GLIPR1L1: variants seen among roughly 807,000 people sequenced by gnomAD.
GLIPR1L1 encodes GLIPR1 like 1.
In GLIPR1L1, 26 loss-of-function variants were observed where a neutral mutation model predicts 29.9. That is an observed-to-expected ratio of 0.87 (90% CI 0.64 to 1.21). The LOEUF is 1.21. Among genes scored for constraint, GLIPR1L1 ranks in the 50% most tolerant of loss-of-function variants. The pLI is 0.00. For synonymous variants in GLIPR1L1, 77 were observed against 97.5 expected, an observed-to-expected ratio of 0.79 and a Z score of 1.24; for missense variants, 305 against 290.3, an observed-to-expected ratio of 1.05 and a Z score of -0.37.
intron 4 of GLIPR1L1, chr12:75,367,147 C>T (rs1048029043): frequency 6.3e-6 from 4 of 631,978 alleles, no homozygotes; most frequent in Non-Finnish European, 1.1e-5. Flanking sequence ...AAAGTGGAAA[C>T]CAAATAGGGT....
Position 75,370,136 on chromosome 12 carries a change from A to T in GLIPR1L1, c.689A>T (p.Asn230Ile). 1 of 1,604,960 alleles carries T rather than the reference A, an allele frequency of 6.2e-7. No homozygotes were observed. The highest frequency in any genetic ancestry group is 8.5e-7 in the Non-Finnish European group (1 of 1,173,384). Residue 230 changes from asparagine (N) to isoleucine (I), a missense_variant, in exon 6 of 6, where the codon AAT becomes ATT. By Grantham distance (149) the Asn-to-Ile change is moderately radical. Coordinates refer to ENST00000378695, the MANE Select transcript of GLIPR1L1 (RefSeq NM_001304964.2). The part of the protein sequence containing the change: ...TGRAPQQTAF[N>I]PFSLGFLLLR... ...AGAGCACCTCAGCAGACAGCCTTTA[A>T]TCCATTCAGCTTAGGTTTTCTTCTT...
intron 3 of GLIPR1L1, among the ~76,000 whole-genome samples, chr12:75,349,337 G>T (rs2042655673): frequency 6.6e-6 from 1 of 152,090 alleles, no homozygotes; most frequent in African/African-American, 2.4e-5. Flanking sequence ...TAAAAGCACA[G>T]AATTTTAAGA....
At chr12:75,350,405 C>A (rs2042727703) in intron 3 of GLIPR1L1, among the ~76,000 whole-genome samples, 1 of 152,126 alleles carries the variant, frequency 6.6e-6, no homozygotes, top group African/African-American at 2.4e-5. Context: ...GTGAGATCTC[C>A]CAACAGGGGT....
chr12:75,367,725 G>A (rs903852946), intron 4 of GLIPR1L1, among the ~76,000 whole-genome samples: 2 of 151,930 alleles, frequency 1.3e-5, no homozygotes, highest in Non-Finnish European at 2.9e-5. Flanking sequence ...TTTATATGAT[G>A]ACAAATCATG....
chr12:75,339,963 C>T (rs1463275086), intron 1 of GLIPR1L1, among the ~76,000 whole-genome samples: 1 of 152,056 alleles, frequency 6.6e-6, no homozygotes, highest in Non-Finnish European at 1.5e-5. Context: ...CTTATGTCCT[C>T]ATAGCTTAGC....
At chr12:75,334,995 A>G in intron 1 of GLIPR1L1, 93 bp downstream of exon 1, 1 of 1,245,464 alleles carries the variant, frequency 8.0e-7, no homozygotes, top group Non-Finnish European at 1.1e-6. Context: ...TACTAATTCA[A>G]TCCGGACTTT....
chr12:75,355,986 G>C (rs1287070832), intron 3 of GLIPR1L1, among the ~76,000 whole-genome samples: 1 of 152,146 alleles, frequency 6.6e-6, no homozygotes, highest in Non-Finnish European at 1.5e-5. Context: ...TGGGGGTAGG[G>C]TGGGGAGAGG....
chr12:75,340,884 C>G (rs966381762), intron 1 of GLIPR1L1, among the ~76,000 whole-genome samples: 1 of 151,832 alleles, frequency 6.6e-6, no homozygotes, highest in African/African-American at 2.4e-5. Flanking sequence ...GGACATATCA[C>G]GACACACCAA....
rs559063913 is a variant in GLIPR1L1 at position 75,340,151 on chromosome 12, T to C, written c.175-3542T>C. Reference sequence around the variant, plus strand: ...TTTATACACACATATATATAAAATATATATGTATAAATATATATATACATA... The same window carrying C: ...TTTATACACACATATATATAAAATACATATGTATAAATATATATATACATA... On this transcript the variant is annotated intron_variant, in intron 1 of 5. Coordinates refer to ENST00000378695, the MANE Select transcript of GLIPR1L1 (RefSeq NM_001304964.2). Among the ~76,000 whole-genome samples the C allele has an allele frequency of 5.3e-5, 8 of 149,884 alleles. No individual in the cohort carries two copies. In the South Asian group the frequency reaches 1.0e-3, roughly 20 times the overall value.
At chr12:75,349,606 T>C (rs1256090526) in intron 3 of GLIPR1L1, among the ~76,000 whole-genome samples, 1 of 152,186 alleles carries the variant, frequency 6.6e-6, no homozygotes, top group Non-Finnish European at 1.5e-5. Context: ...TATTTTTAAA[T>C]GTTAAGCAAA....
intron 4 of GLIPR1L1, chr12:75,369,427 G>A: frequency 3.0e-6 from 2 of 661,442 alleles, no homozygotes; most frequent in Non-Finnish European, 3.7e-6. Flanking sequence ...GAATCATGCT[G>A]AATACGTAGT....
intron 3 of GLIPR1L1, among the ~76,000 whole-genome samples, chr12:75,359,665 A>G (rs1217380826): frequency 6.6e-6 from 1 of 152,166 alleles, no homozygotes; most frequent in East Asian, 1.9e-4. Flanking sequence ...TACAGAGATC[A>G]GAAATAGACT....
intron 1 of GLIPR1L1, among the ~76,000 whole-genome samples, chr12:75,337,372 A>C (rs532055014): frequency 9.7e-4 from 148 of 151,980 alleles, no homozygotes; most frequent in African/African-American, 3.3e-3. Context: ...TTAATGAAGA[A>C]AGACACAACT....
intron 3 of GLIPR1L1, among the ~76,000 whole-genome samples, chr12:75,348,543 TTTCTC>T (rs1244296391): frequency 1.3e-5 from 2 of 152,226 alleles, no homozygotes; most frequent in Admixed American, 6.5e-5. Context: ...ATTATCATCT[TTTCTC>T]TTAAGGAGAC....
At chr12:75,355,444 T>A (rs2043090989) in intron 3 of GLIPR1L1, among the ~76,000 whole-genome samples, 1 of 152,158 alleles carries the variant, frequency 6.6e-6, no homozygotes, top group Non-Finnish European at 1.5e-5. Flanking sequence ...CCAGTCAGAA[T>A]GGCAATTATT....
At chr12:75,369,875 T>A in intron 4 of GLIPR1L1, 85 bp from the exon 5 acceptor site, 1 of 1,345,604 alleles carries the variant, frequency 7.4e-7, no homozygotes, top group South Asian at 1.9e-5. Flanking sequence ...TAGTTGATTG[T>A]CTTATTCTAA....
intron 4 of GLIPR1L1, chr12:75,366,799 A>G (rs1205344284): frequency 1.4e-6 from 1 of 694,038 alleles, no homozygotes; most frequent in Admixed American, 2.0e-5. Flanking sequence ...TCAGAGGTCT[A>G]TCACCTCTGA....
intron 1 of GLIPR1L1, among the ~76,000 whole-genome samples, chr12:75,339,808 C>T (rs56154155): frequency 0.016 from 2,376 of 152,122 alleles, 49 homozygotes; most frequent in African/African-American, 0.054. Flanking sequence ...CTGCATATGG[C>T]TAGCCAGTTC....
chr12:75,346,896 T>C (rs1349589864), intron 2 of GLIPR1L1, among the ~76,000 whole-genome samples: 2 of 152,160 alleles, frequency 1.3e-5, no homozygotes, highest in East Asian at 3.8e-4. Flanking sequence ...TGAATTATTT[T>C]TCAAATGGAG....
Sources: gnomAD v4.1 joint callset for allele counts (sites outside exome capture counted in the v4.1 genomes callset) on GRCh38, gnomAD v4.1.1 for gene constraint, MANE v1.5 for transcripts, NCBI Gene and HGNC (gene_info 2026-07-23, HGNC 2026-07-21) for gene names.